Variants in PKP2 observed in about 807,000 individuals in gnomAD.
PKP2 encodes the protein plakophilin 2, also known as plakophilin-2.
Under a neutral mutation model 83.4 loss-of-function variants are expected in PKP2, and 73 were observed. The ratio of observed to expected loss-of-function variants is 0.88; its 90% confidence interval spans 0.72 to 1.06. The LOEUF (loss-of-function observed/expected upper bound fraction) is 1.06, where lower values mean the gene tolerates loss of function less well. Among genes scored for constraint, PKP2 ranks in the 50% least tolerant of loss-of-function variants. The pLI is 0.00. For missense variants in PKP2, 966 were observed against 1,065.4 expected (o/e 0.91, Z 1.30); for synonymous variants, 409 against 430.4 (o/e 0.95, Z 0.62).
rs1161350280 is a variant in PKP2 at position 32,878,816 on chromosome 12, A to G, written c.336+104T>C. 5.1e-6 allele frequency: 4 copies of G among 778,830 alleles called. No homozygotes were observed. In the African/African-American group the frequency reaches 6.8e-5, roughly 13 times the overall value. The allele number at this position is 778,830 out of a possible 1,614,324, so 48.2% of individuals were successfully genotyped here. On this transcript the variant is annotated intron_variant, in intron 2 of 12. Transcript: ENST00000340811. ...TTTCTCAAAACTCATTTAGGAAATG[A>G]TAATACTTGGGAAAAGTAAACACTC...
chr12:32,793,121 A>G (rs1197122442), intron 11 of PKP2, among the ~76,000 whole-genome samples: 3 of 152,032 alleles, frequency 2.0e-5, no homozygotes, highest in Non-Finnish European at 4.4e-5. Flanking sequence ...TGTGCCTGTA[A>G]TCCCAGCTAC....
chr12:32,794,795 C>T (rs1956106065), intron 11 of PKP2, among the ~76,000 whole-genome samples: 3 of 152,222 alleles, frequency 2.0e-5, no homozygotes, highest in South Asian at 2.1e-4. Context: ...TCTTGGGGAA[C>T]TGACACTCCA....
chr12:32,838,110 T>C (rs1178899496), intron 6 of PKP2, among the ~76,000 whole-genome samples: 1 of 152,064 alleles, frequency 6.6e-6, no homozygotes, highest in East Asian at 1.9e-4. Context: ...ATAAGGAGAA[T>C]GTGGTATACA....
intron 1 of PKP2, among the ~76,000 whole-genome samples, chr12:32,886,870 G>C (rs527719996): frequency 1.3e-5 from 2 of 152,026 alleles, no homozygotes; most frequent in East Asian, 1.9e-4. Flanking sequence ...ATGGTGGCAT[G>C]GGCCTGTAGT....
chr12:32,821,740 C>A, intron 8 of PKP2: 2 of 546,262 alleles, frequency 3.7e-6, no homozygotes, highest in East Asian at 3.3e-5. Flanking sequence ...TAACACTCCA[C>A]ACCCCTAACT....
At chr12:32,803,608 A>G (rs1198892062) in intron 9 of PKP2, among the ~76,000 whole-genome samples, 2 of 152,144 alleles carry the variant, frequency 1.3e-5, no homozygotes, top group East Asian at 1.9e-4. Flanking sequence ...CTTTTGGTAG[A>G]ATTTAGCCAT....
At chr12:32,792,775 GCTT>G in intron 11 of PKP2, 44 bp from the exon 12 acceptor site, 1 of 1,461,292 alleles carries the variant, frequency 6.8e-7, no homozygotes, top group Non-Finnish European at 9.6e-7. Context: ...AATGAGTGAG[GCTT>G]CTGGATGCGG....
intron 1 of PKP2, among the ~76,000 whole-genome samples, chr12:32,885,667 C>T (rs542178820): frequency 1.3e-4 from 20 of 150,908 alleles, no homozygotes; most frequent in Middle Eastern, 3.2e-3. Context: ...CCGTCCCCCC[C>T]CCAAAAAAAA....
At chr12:32,795,913 G>A (rs976756692) in intron 11 of PKP2, among the ~76,000 whole-genome samples, 196 bp downstream of exon 11, 2 of 152,218 alleles carry the variant, frequency 1.3e-5, no homozygotes, top group African/African-American at 4.8e-5. Context: ...GAAGGGACAA[G>A]CATGTGGTGT....
chr12:32,868,902 G>T, intron 4 of PKP2, 25 bp downstream of exon 4: 1 of 1,609,812 alleles, frequency 6.2e-7, no homozygotes, highest in Non-Finnish European at 8.5e-7. Flanking sequence ...GTTGCGCTTT[G>T]CAATGGACTG....
intron 6 of PKP2, among the ~76,000 whole-genome samples, chr12:32,826,057 C>A (rs1565582309): frequency 6.6e-6 from 1 of 152,086 alleles, no homozygotes; most frequent in African/African-American, 2.4e-5. Flanking sequence ...GTAATTCCAG[C>A]ACTTTGGGAG....
chr12:32,869,332 T>C (rs1251602705), intron 3 of PKP2, among the ~76,000 whole-genome samples: 5 of 152,082 alleles, frequency 3.3e-5, no homozygotes, highest in Non-Finnish European at 7.4e-5. Flanking sequence ...GCTGAACTTT[T>C]AAAAATAAAT....
At chr12:32,864,349 AATATATATATT>A (rs1956828428) in intron 4 of PKP2, among the ~76,000 whole-genome samples, 1 of 149,260 alleles carries the variant, frequency 6.7e-6, no homozygotes, top group Non-Finnish European at 1.5e-5. Context: ...TACACACGTA[AATATATATATT>A]ATATATATAT....
intron 1 of PKP2, among the ~76,000 whole-genome samples, chr12:32,885,131 G>A (rs1591831653): frequency 6.6e-6 from 1 of 152,108 alleles, no homozygotes; most frequent in South Asian, 2.1e-4. Flanking sequence ...AACCAATTGC[G>A]GGGGCGGGTA....
At chr12:32,811,272 A>G (rs1310240669) in intron 9 of PKP2, among the ~76,000 whole-genome samples, 1 of 152,210 alleles carries the variant, frequency 6.6e-6, no homozygotes, top group Non-Finnish European at 1.5e-5. Context: ...ACATCCCAGC[A>G]TATTCTGTTC....
chr12:32,873,030 A>G (rs900885767), intron 3 of PKP2, among the ~76,000 whole-genome samples: 3 of 152,184 alleles, frequency 2.0e-5, no homozygotes, highest in African/African-American at 7.2e-5. Flanking sequence ...TTGACTGTCA[A>G]TCCTAGAGAA....
chr12:32,877,181 C>CTA (rs1371112979), intron 3 of PKP2, among the ~76,000 whole-genome samples: 1 of 152,230 alleles, frequency 6.6e-6, no homozygotes, highest in East Asian at 1.9e-4. Context: ...GTAACGTGCA[C>CTA]AGTTTATAAA....
intron 4 of PKP2, among the ~76,000 whole-genome samples, chr12:32,851,189 T>G (rs1383294598): frequency 6.6e-6 from 1 of 152,114 alleles, no homozygotes; most frequent in Non-Finnish European, 1.5e-5. Flanking sequence ...AAGTTAAGAC[T>G]GAAACCTATG....
In PKP2 at chr12:32,810,830, C is replaced by T. The variant is rs1221505047; in HGVS notation, c.2014-8274G>A. On this transcript the variant is annotated intron_variant, in intron 9 of 12. Transcript: ENST00000340811. ...CCGAGTAGCTGGGACTACAGGCGCC[C>T]GCCACTACGCCCGGCTAATTTTTTG... 2.5e-4 allele frequency among the ~76,000 whole-genome samples: 9 copies of T among 35,638 alleles called. 4 individuals carry two copies. Among genetic ancestry groups the T allele is most frequent in the Non-Finnish European group, 5.5e-4 (5 of 9,048 alleles). The allele number at this position is 35,638 out of a possible 152,430, so 23.4% of individuals were successfully genotyped here.
Sources: gnomAD v4.1 joint callset for allele counts (sites outside exome capture counted in the v4.1 genomes callset) on GRCh38, gnomAD v4.1.1 for gene constraint, MANE v1.5 for transcripts, NCBI Gene and HGNC (gene_info 2026-07-23, HGNC 2026-07-21) for gene names.